Variants in SV2C observed in about 807,000 individuals in gnomAD.
SV2C encodes solute carrier family 22 member B3.
A neutral mutation model predicts 79.7 loss-of-function variants in SV2C; 49 were observed. The ratio of observed to expected loss-of-function variants is 0.61; its 90% confidence interval spans 0.49 to 0.78. The LOEUF is 0.78. SV2C is among the 30% of genes least tolerant of loss of function. The pLI is 0.00. For missense variants in SV2C, 833 were observed against 912.9 expected (o/e 0.91, Z 1.13); for synonymous variants, 334 against 333.2 (o/e 1.00, Z -0.03).
chr5:75,948,978 T>G, the SV2C span, among the ~76,000 whole-genome samples: 1 of 151,864 alleles, frequency 6.6e-6, no homozygotes, highest in Non-Finnish European at 1.5e-5. Flanking sequence ...TAATCCCCAG[T>G]GTTGGAGATG....
chr5:76,207,680 G>T (rs1392871311), intron 3 of SV2C, among the ~76,000 whole-genome samples: 4 of 152,130 alleles, frequency 2.6e-5, no homozygotes, highest in African/African-American at 4.8e-5. Context: ...CTGTCACCCA[G>T]GCTGGAGTGC....
chr5:76,022,136 C>T, the SV2C span, among the ~76,000 whole-genome samples: 2 of 152,194 alleles, frequency 1.3e-5, no homozygotes, highest in Admixed American at 6.5e-5. Flanking sequence ...CTCTCTGGTG[C>T]CTAATGCCTC....
At chr5:76,301,908 C>CAAAAAAAAAAAAAAAA (rs11436839) in intron 12 of SV2C, among the ~76,000 whole-genome samples, 1 of 41,410 alleles carries the variant, frequency 2.4e-5, no homozygotes. Context: ...GACACCATCT[C>CAAAAAAAAAAAAAAAA]AAAAAAAAAA....
intron 4 of SV2C, among the ~76,000 whole-genome samples, chr5:76,249,206 TTC>T (rs1746039142): frequency 6.6e-6 from 1 of 152,208 alleles, no homozygotes; most frequent in South Asian, 2.1e-4. Flanking sequence ...CAAGAGCTGC[TTC>T]TATCATATCT....
the SV2C span, among the ~76,000 whole-genome samples, chr5:76,048,963 A>AAGAG: frequency 7.6e-5 from 3 of 39,338 alleles, no homozygotes; most frequent in South Asian, 1.9e-3. Flanking sequence ...GAGAAAGAAA[A>AAGAG]AGAGAAAGAA....
At chr5:76,336,041 G>A (rs1285719992), downstream of SV2C, among the ~76,000 whole-genome samples, 2 of 145,636 alleles carry the variant, frequency 1.4e-5, no homozygotes, top group African/African-American at 5.0e-5. Flanking sequence ...GCGGCTAGCC[G>A]GGCGGGGGGC....
chr5:75,850,046 T>C, the SV2C span, among the ~76,000 whole-genome samples: 1 of 152,210 alleles, frequency 6.6e-6, no homozygotes, highest in Non-Finnish European at 1.5e-5. Context: ...TTAATATCTT[T>C]GATATGGTAA....
At chr5:75,977,417 C>A in the SV2C span, among the ~76,000 whole-genome samples, 1 of 152,240 alleles carries the variant, frequency 6.6e-6, no homozygotes, top group Non-Finnish European at 1.5e-5. Context: ...TCAGCCTTCT[C>A]TTGCCTTTAC....
chr5:76,174,292 C>T (rs561787599), intron 2 of SV2C: 29 of 1,086,758 alleles, frequency 2.7e-5, no homozygotes, highest in Middle Eastern at 2.5e-4. Context: ...CTAGGCGCCA[C>T]GGCGGTCCTG....
intron 2 of SV2C, among the ~76,000 whole-genome samples, chr5:76,189,670 G>A (rs895105193): frequency 6.6e-6 from 1 of 152,124 alleles, no homozygotes; most frequent in African/African-American, 2.4e-5. Context: ...CTTCAAACTG[G>A]AGTTCCCCAT....
rs552635157 is a variant in SV2C at position 76,271,665 on chromosome 5, C to T, written c.914-13497C>T. The stretch of plus-strand genomic sequence containing the variant: ...TGTATTTTTAGTAGAGACAGGGTTT[C>T]GCCATGTTGGTCAGGCTAGTCTCGA... On this transcript the variant is annotated intron_variant, in intron 4 of 12. Coordinates refer to ENST00000502798, the MANE Select transcript of SV2C (RefSeq NM_014979.4). Among the ~76,000 whole-genome samples the T allele has an allele frequency of 4.7e-3, 530 of 112,346 alleles. 2 individuals carry two copies. Among genetic ancestry groups the T allele is most frequent in the Non-Finnish European group, 6.9e-3 (407 of 59,324 alleles). The allele number at this position is 112,346 out of a possible 152,430, so 73.7% of individuals were successfully genotyped here.
rs138178555 is a variant in SV2C at position 76,289,987 on chromosome 5, G to A, written c.1138-1234G>A. ...GCCTATGTTTGCATCCCGCATGGGTGCCAATGAATAAATGAACAAACAAAT... is the reference window on the plus strand; with the variant it reads ...GCCTATGTTTGCATCCCGCATGGGTACCAATGAATAAATGAACAAACAAAT... On this transcript the variant is annotated intron_variant, in intron 6 of 12. Coordinates refer to ENST00000502798, the MANE Select transcript of SV2C (RefSeq NM_014979.4). Among the ~76,000 whole-genome samples the A allele has an allele frequency of 3.9e-5, 6 of 152,178 alleles. No homozygotes were observed. In the East Asian group the frequency reaches 1.2e-3, roughly 29 times the overall value.
intron 4 of SV2C, among the ~76,000 whole-genome samples, chr5:76,230,793 GAAAAA>G (rs377572907): frequency 3.6e-4 from 53 of 148,074 alleles, no homozygotes; most frequent in African/African-American, 1.2e-3. Context: ...TGTCTCAGAA[GAAAAA>G]AAAAGAAAAG....
At chr5:76,249,744 A>C (rs1163047733) in intron 4 of SV2C, among the ~76,000 whole-genome samples, 3 of 152,198 alleles carry the variant, frequency 2.0e-5, no homozygotes, top group Non-Finnish European at 4.4e-5. Context: ...CTATGATGAA[A>C]ATGATGGCAG....
intron 4 of SV2C, among the ~76,000 whole-genome samples, chr5:76,274,165 T>C (rs1746955291): frequency 6.6e-6 from 1 of 152,184 alleles, no homozygotes; most frequent in South Asian, 2.1e-4. Context: ...CTTTCTCCTC[T>C]CTCTTCTCCC....
At chr5:76,215,110 C>T (rs1458615150) in intron 4 of SV2C, among the ~76,000 whole-genome samples, 1 of 152,098 alleles carries the variant, frequency 6.6e-6, no homozygotes, top group Non-Finnish European at 1.5e-5. Flanking sequence ...TAGATTTTCA[C>T]CATCGAGTAT....
chr5:75,984,575 C>CTATCTA, the SV2C span, among the ~76,000 whole-genome samples: 1 of 81,216 alleles, frequency 1.2e-5, no homozygotes. Flanking sequence ...CTATATCTAT[C>CTATCTA]TATCTATCTA....
At chr5:76,298,722 C>T (rs1319138943) in intron 9 of SV2C, 72 bp from the exon 10 acceptor site, 3 of 1,558,302 alleles carry the variant, frequency 1.9e-6, no homozygotes, top group Non-Finnish European at 2.6e-6. Flanking sequence ...ATCTCTAAAA[C>T]TATTTGACTT....
upstream of SV2C, among the ~76,000 whole-genome samples, chr5:76,080,997 T>C (rs553674505): frequency 6.6e-6 from 1 of 152,354 alleles, no homozygotes; most frequent in South Asian, 2.1e-4. Context: ...CAATGTTTCA[T>C]GTCCTCCAAA....
Sources: allele counts gnomAD v4.1 joint callset (sites outside exome capture counted in the v4.1 genomes callset), GRCh38; gene constraint gnomAD v4.1.1; transcripts MANE v1.5; gene names NCBI Gene and HGNC (gene_info 2026-07-23, HGNC 2026-07-21).